LRRTM4: variants seen among roughly 807,000 people sequenced by gnomAD.
The protein encoded by LRRTM4 is leucine-rich repeat transmembrane neuronal protein 4.
A neutral mutation model predicts 47.6 loss-of-function variants in LRRTM4; 25 were observed. The observed-to-expected ratio is 0.53, with a 90% confidence interval of 0.38 to 0.73. The LOEUF is 0.73. LRRTM4 is among the 30% of genes least tolerant of loss of function. The pLI is 0.00. For missense variants in LRRTM4, 638 were observed against 713.4 expected, an observed-to-expected ratio of 0.89 and a Z score of 1.20; for synonymous variants, 311 against 269.5, an observed-to-expected ratio of 1.15 and a Z score of -1.51.
chr2:76,899,474 G>T (rs564542450), intron 3 of LRRTM4, among the ~76,000 whole-genome samples: 1 of 152,142 alleles, frequency 6.6e-6, no homozygotes, highest in Admixed American at 6.6e-5. Flanking sequence ...TGGAGAAGGT[G>T]ATATTTGAAC....
At chr2:77,491,840 T>C (rs547614938) in intron 3 of LRRTM4, among the ~76,000 whole-genome samples, 2 of 152,036 alleles carry the variant, frequency 1.3e-5, no homozygotes, top group African/African-American at 2.4e-5. Context: ...TTTAAAAACC[T>C]TTAAAAACTA....
Position 77,335,023 on chromosome 2 carries a change from T to C in LRRTM4, c.1551+183295A>G, listed in dbSNP as rs961944583. ...CTCTACATTCTCATAGTTCCTTCTTTAGCTTTTTCCTTTTCCTTTCTCATT... is the reference window on the plus strand; with the variant it reads ...CTCTACATTCTCATAGTTCCTTCTTCAGCTTTTTCCTTTTCCTTTCTCATT... On this transcript the variant is annotated intron_variant, in intron 3 of 3. Transcript: ENST00000409884. 6.7e-4 allele frequency among the ~76,000 whole-genome samples: 102 copies of C among 152,190 alleles called. 1 individual carries two copies. Among genetic ancestry groups the C allele is most frequent in the Non-Finnish European group, 1.6e-4 (11 of 68,038 alleles).
intron 3 of LRRTM4, among the ~76,000 whole-genome samples, chr2:77,394,047 G>C (rs75580935): frequency 0.018 from 2,747 of 151,954 alleles, 102 homozygotes; most frequent in African/African-American, 0.063. Context: ...AGTATTGGAT[G>C]TAATACCTTC....
At chr2:77,516,768 T>C in intron 3 of LRRTM4, 4 of 971,470 alleles carry the variant, frequency 4.1e-6, no homozygotes, top group Non-Finnish European at 4.9e-6. Context: ...TTTTCAATGA[T>C]ACACAAAAAA....
chr2:77,150,084 A>C (rs1360966037), intron 3 of LRRTM4, among the ~76,000 whole-genome samples: 1 of 152,170 alleles, frequency 6.6e-6, no homozygotes, highest in Non-Finnish European at 1.5e-5. Flanking sequence ...AAGAGCAAAT[A>C]CTTTGATACA....
chr2:77,469,441 T>TA (rs1447896819), intron 3 of LRRTM4, among the ~76,000 whole-genome samples: 2 of 33,126 alleles, frequency 6.0e-5, no homozygotes, highest in Non-Finnish European at 1.4e-4. Context: ...GCTAATGTAC[T>TA]CAAAAATAAG....
chr2:76,818,178 T>C (rs1178263887), intron 3 of LRRTM4, among the ~76,000 whole-genome samples: 2 of 151,908 alleles, frequency 1.3e-5, no homozygotes, highest in Non-Finnish European at 2.9e-5. Context: ...AGATAAGTAT[T>C]ATCTCAAAAA....
intron 3 of LRRTM4, among the ~76,000 whole-genome samples, chr2:77,435,107 C>A (rs1319664180): frequency 2.0e-5 from 3 of 151,906 alleles, no homozygotes; most frequent in East Asian, 1.9e-4. Flanking sequence ...ACTCCCACCC[C>A]CAAGTTGTGA....
At chr2:76,940,793 G>C (rs905447456) in intron 3 of LRRTM4, among the ~76,000 whole-genome samples, 1 of 152,102 alleles carries the variant, frequency 6.6e-6, no homozygotes, top group Non-Finnish European at 1.5e-5. Context: ...GTGCTAACCT[G>C]AACTCCCTTC....
chr2:77,068,062 T>C (rs763369947), intron 3 of LRRTM4, among the ~76,000 whole-genome samples: 1 of 152,174 alleles, frequency 6.6e-6, no homozygotes, highest in Non-Finnish European at 1.5e-5. Flanking sequence ...TCAAATGATA[T>C]AAATACTAGA....
rs575866885 is a variant in LRRTM4 at position 77,429,843 on chromosome 2, A to G, written c.1551+88475T>C. 2.1e-3 allele frequency among the ~76,000 whole-genome samples: 319 copies of G among 152,302 alleles called. 2 individuals are homozygous for G. The highest frequency in any genetic ancestry group is 6.8e-3 in the Middle Eastern group (2 of 294). On this transcript the variant is annotated intron_variant, in intron 3 of 3. Transcript: ENST00000409884. ...CACTTTGTGAGGCCGAGGCGGGTGG[A>G]TTGTTTTAAGTCAGGAGTTCGAGAC...
chr2:76,965,070 G>A (rs1212259735), intron 3 of LRRTM4, among the ~76,000 whole-genome samples: 1 of 150,904 alleles, frequency 6.6e-6, no homozygotes, highest in East Asian at 2.0e-4. Context: ...TCCAAAAAAT[G>A]AAGCATCTGG....
chr2:77,370,439 T>TCTCAA (rs1325650704), intron 3 of LRRTM4, among the ~76,000 whole-genome samples: 3 of 151,866 alleles, frequency 2.0e-5, no homozygotes, highest in African/African-American at 7.2e-5. Flanking sequence ...TTGATAGTAA[T>TCTCAA]CTCAATGCTT....
intron 3 of LRRTM4, among the ~76,000 whole-genome samples, chr2:77,325,494 TATC>T (rs1371835074): frequency 6.6e-6 from 1 of 152,132 alleles, no homozygotes; most frequent in Non-Finnish European, 1.5e-5. Flanking sequence ...AGTGTATTGA[TATC>T]ATAAAAAGTA....
intron 3 of LRRTM4, among the ~76,000 whole-genome samples, chr2:77,130,233 T>C (rs1671759760): frequency 1.3e-5 from 2 of 152,140 alleles, no homozygotes; most frequent in Admixed American, 6.6e-5. Context: ...TAAGTATAAT[T>C]GCATGTATTA....
intron 3 of LRRTM4, among the ~76,000 whole-genome samples, chr2:77,415,095 C>T (rs1325013343): frequency 6.6e-6 from 1 of 152,110 alleles, no homozygotes; most frequent in Non-Finnish European, 1.5e-5. Context: ...TGTTTGCACT[C>T]CAGTGCACTA....
intron 3 of LRRTM4, among the ~76,000 whole-genome samples, chr2:77,037,914 A>C (rs1678892056): frequency 1.3e-5 from 2 of 151,652 alleles, no homozygotes. Flanking sequence ...TGAGGATTCT[A>C]GGAGTGAAGT....
chr2:76,848,330 T>C (rs979556429), intron 3 of LRRTM4, among the ~76,000 whole-genome samples: 5 of 152,108 alleles, frequency 3.3e-5, no homozygotes, highest in South Asian at 2.1e-4. Context: ...CTGAAAACAA[T>C]AGCTTTATCT....
chr2:77,166,408 C>T (rs1453660711), intron 3 of LRRTM4, among the ~76,000 whole-genome samples: 2 of 152,194 alleles, frequency 1.3e-5, no homozygotes, highest in Admixed American at 6.5e-5. Context: ...TCAATGTCAT[C>T]CCCATCAAGC....
Sources: gnomAD v4.1 joint callset for allele counts (sites outside exome capture counted in the v4.1 genomes callset) on GRCh38, gnomAD v4.1.1 for gene constraint, MANE v1.5 for transcripts, NCBI Gene and HGNC (gene_info 2026-07-23, HGNC 2026-07-21) for gene names.